Variants in CREBBP observed in about 807,000 individuals in gnomAD.
The protein encoded by CREBBP is CREB-binding protein.
In CREBBP, 19 loss-of-function variants were observed where a neutral mutation model predicts 265.0. The ratio of observed to expected loss-of-function variants is 0.07; its 90% CI spans 0.05 to 0.11. CREBBP has a LOEUF of 0.11. Among genes scored for constraint, CREBBP ranks in the 10% least tolerant of loss-of-function variants. The probability of loss-of-function intolerance (pLI) is 1.00; values close to 1 mark genes in which losing one functional copy is unlikely to be tolerated. For synonymous variants in CREBBP, 1,457 were observed against 1,223.7 expected, an observed-to-expected ratio of 1.19 and a Z score of -3.98; for missense variants, 2,525 against 3,219.0, an observed-to-expected ratio of 0.78 and a Z score of 5.22.
At chr16:3,849,028 T>C (rs2054726971) in intron 2 of CREBBP, among the ~76,000 whole-genome samples, 1 of 152,200 alleles carries the variant, frequency 6.6e-6, no homozygotes, top group Admixed American at 6.5e-5. Context: ...GAAACTGTGT[T>C]CTACTCTTAT....
chr16:3,778,448 C>T (rs1000492906), intron 9 of CREBBP, among the ~76,000 whole-genome samples: 1 of 152,164 alleles, frequency 6.6e-6, no homozygotes, highest in South Asian at 2.1e-4. Context: ...TATTACAACA[C>T]CACCTACTAT....
At chr16:3,872,123 G>A (rs1450390438) in intron 1 of CREBBP, among the ~76,000 whole-genome samples, 1 of 152,160 alleles carries the variant, frequency 6.6e-6, no homozygotes, top group Non-Finnish European at 1.5e-5. Flanking sequence ...AACTTTTAGA[G>A]ACAGAGCTCA....
chr16:3,772,599 AT>A (rs1186411961), intron 13 of CREBBP, among the ~76,000 whole-genome samples: 2 of 152,174 alleles, frequency 1.3e-5, no homozygotes, highest in Non-Finnish European at 2.9e-5. Context: ...AACAGAAGTG[AT>A]GAAAACCAAG....
intron 11 of CREBBP, among the ~76,000 whole-genome samples, chr16:3,775,481 G>C (rs930900477): frequency 1.3e-5 from 2 of 152,200 alleles, no homozygotes; most frequent in African/African-American, 4.8e-5. Context: ...GAACCCTTTA[G>C]AGAATTTCTG....
chr16:3,740,224 T>A (rs114436262), intron 24 of CREBBP, among the ~76,000 whole-genome samples, 175 bp downstream of exon 24: 1 of 152,204 alleles, frequency 6.6e-6, no homozygotes, highest in African/African-American at 2.4e-5. Context: ...CTGCACTGTA[T>A]AGGGTAACTA....
At chr16:3,812,872 G>C (rs2053964681) in intron 2 of CREBBP, 1 of 191,918 alleles carries the variant, frequency 5.2e-6, no homozygotes, top group Non-Finnish European at 1.1e-5. Context: ...CCCCGCATAG[G>C]GAAAACCTCC....
Position 3,728,041 on chromosome 16 carries a change from C to A in CREBBP, c.7006G>T (p.Ala2336Ser), listed in dbSNP as rs543811185. ...CGCACCTGGTTACTAAGGGACGTGG[C>A]GATCTGCTGGCCAGGGAGATGCGAG... ...QASHLPGQQIATSLSNQVRSP... is the reference protein window; with the variant it reads ...QASHLPGQQISTSLSNQVRSP... The change falls in exon 31 of 31, where the codon GCC becomes TCC. Residue 2336 changes from alanine (A) to serine (S), a missense_variant. Physicochemically the swap from Ala to Ser is moderately conservative, Grantham distance 99 (BLOSUM62 1). This residue lies in a region of CREBBP where 473 missense variants were observed against 459.3 expected (regional missense o/e 1.03). Coordinates refer to ENST00000262367, the MANE Select transcript of CREBBP (RefSeq NM_004380.3). This position sits in a 1 kb window ranked among gnomAD's most constrained non-coding sequence, Gnocchi z 8.7. 1 of 1,611,870 alleles carries A rather than the reference C, an allele frequency of 6.2e-7. No individual in the cohort carries two copies. The highest frequency in any genetic ancestry group is 2.2e-5 in the East Asian group (1 of 44,854).
intron 21 of CREBBP, among the ~76,000 whole-genome samples, chr16:3,745,998 C>T (rs550640609): frequency 9.9e-5 from 15 of 152,210 alleles, no homozygotes; most frequent in Non-Finnish European, 1.0e-4. Flanking sequence ...CTACGGCAGC[C>T]CACAACCACG....
At chr16:3,759,059 G>T in intron 16 of CREBBP, 87 bp from the exon 17 acceptor site, 1 of 1,048,194 alleles carries the variant, frequency 9.5e-7, no homozygotes, top group Non-Finnish European at 1.5e-6. Flanking sequence ...CCTGGCTGCT[G>T]TGACATCCCA....
chr16:3,812,584 C>T (rs1052089466), intron 2 of CREBBP, among the ~76,000 whole-genome samples: 5 of 151,628 alleles, frequency 3.3e-5, no homozygotes, highest in Non-Finnish European at 2.9e-5. Context: ...GCTATGCTTC[C>T]GTGAGGGCCT....
Position 3,728,107 on chromosome 16 carries a change from T to C in CREBBP, c.6940A>G (p.Met2314Val), listed in dbSNP as rs979662378. Reference protein sequence around the residue: ...QIGSPGQPNPMSPQQHMLSGQ... With the variant: ...QIGSPGQPNPVSPQQHMLSGQ... ...GAGAGCATGTGTTGCTGGGGGCTCATGGGGTTCGGCTGGCCTGGGGACCCA... is the reference window on the plus strand; with the variant it reads ...GAGAGCATGTGTTGCTGGGGGCTCACGGGGTTCGGCTGGCCTGGGGACCCA... Residue 2314 changes from methionine (M) to valine (V), a missense_variant, in exon 31 of 31, where the codon ATG (methionine) becomes GTG (valine). This residue lies in a region of CREBBP where 473 missense variants were observed against 459.3 expected (regional missense o/e 1.03). Transcript: ENST00000262367. The surrounding 1 kb of genome is among the most constrained non-coding windows in gnomAD (Gnocchi z 8.7). The C allele has an allele frequency of 1.9e-6, 3 of 1,614,144 alleles. No homozygotes were observed. The highest frequency in any genetic ancestry group is 3.3e-5 in the Admixed American group (2 of 60,012).
chr16:3,832,450 A>T (rs940648881), intron 2 of CREBBP, among the ~76,000 whole-genome samples: 1 of 152,230 alleles, frequency 6.6e-6, no homozygotes, highest in Non-Finnish European at 1.5e-5. Context: ...ACATCTTCTG[A>T]GAAAAGTGTC....
intron 26 of CREBBP, 178 bp from the exon 27 acceptor site, chr16:3,736,993 T>C (rs1567270249): frequency 1.4e-6 from 1 of 718,226 alleles, no homozygotes; most frequent in Non-Finnish European, 2.4e-6. Context: ...CCTGAGCAAA[T>C]GCAAGCCTGC....
chr16:3,805,752 G>A (rs2141330177), intron 3 of CREBBP, among the ~76,000 whole-genome samples: 1 of 152,262 alleles, frequency 6.6e-6, no homozygotes, highest in South Asian at 2.1e-4. Context: ...CTCCACAGTG[G>A]GACAGCTGGT....
chr16:3,768,023 C>CA (rs2052900206), intron 15 of CREBBP, 114 bp from the exon 16 acceptor site: 2 of 921,700 alleles, frequency 2.2e-6, no homozygotes, highest in Admixed American at 1.9e-5. Context: ...TTCCTCTAGT[C>CA]AGAGTTGCAT....
At chr16:3,849,420 T>TGTGTGTGTGTGTGTG (rs2054744119) in intron 2 of CREBBP, among the ~76,000 whole-genome samples, 1 of 6,784 alleles carries the variant, frequency 1.5e-4, no homozygotes. Context: ...TGTGTGTGTG[T>TGTGTGTGTGTGTGTG]GTGTGTGTGT....
chr16:3,834,363 T>C (rs941730538), intron 2 of CREBBP, among the ~76,000 whole-genome samples: 1 of 152,188 alleles, frequency 6.6e-6, no homozygotes, highest in African/African-American at 2.4e-5. Context: ...ATGAAGTCTT[T>C]CAGTAGGTAA....
intron 16 of CREBBP, among the ~76,000 whole-genome samples, chr16:3,760,985 A>G (rs7499643): frequency 0.83 from 126,029 of 151,956 alleles, 52,531 homozygotes; most frequent in African/African-American, 0.93. Context: ...ACGGAGTTTC[A>G]CTCTTGTTGT....
Position 3,852,170 on chromosome 16 carries a change from T to G in CREBBP, c.86-1161A>C, listed in dbSNP as rs1005865350. Among the ~76,000 whole-genome samples, 9 of 113,608 alleles carry G rather than the reference T, an allele frequency of 7.9e-5. No homozygotes were observed. In the South Asian group the frequency reaches 2.4e-3, roughly 30 times the overall value. 74.5% of individuals were successfully genotyped at this position (113,608 alleles called of 152,430 possible). On this transcript the variant is annotated intron_variant, in intron 1 of 30. Coordinates refer to ENST00000262367, the MANE Select transcript of CREBBP (RefSeq NM_004380.3). ...AATCTTAAATTTGTTTTTTTTTTTT[T>G]TTTTTTTTTTTTGAGACAGAGTCTC...
Sources: allele counts gnomAD v4.1 joint callset (sites outside exome capture counted in the v4.1 genomes callset), GRCh38; gene constraint gnomAD v4.1.1; regional missense constraint gnomAD v4.1.1; non-coding constraint Gnocchi (gnomAD v3.1); transcripts MANE v1.5; gene names NCBI Gene and HGNC (gene_info 2026-07-23, HGNC 2026-07-21).